TMEM87A: variants seen among roughly 807,000 people sequenced by gnomAD.
TMEM87A encodes Golgi-pH regulating cation channel.
TMEM87A carries 50 observed loss-of-function variants against 90.0 expected under a neutral mutation model. That is an observed-to-expected ratio of 0.56 (90% CI 0.44 to 0.70). TMEM87A has a LOEUF of 0.70. TMEM87A is among the 30% of genes least tolerant of loss of function. The pLI, the probability that TMEM87A is intolerant of heterozygous loss-of-function variation, is 0.00. For synonymous variants in TMEM87A, 226 were observed against 226.7 expected (o/e 1.00, Z 0.03); for missense variants, 577 against 660.5 (o/e 0.87, Z 1.39).
intron 11 of TMEM87A, chr15:42,233,006 A>C: frequency 3.0e-6 from 1 of 330,336 alleles, no homozygotes. Flanking sequence ...GACAGGTGGA[A>C]AAGCATTCAT....
chr15:42,237,338 G>A, intron 9 of TMEM87A, 94 bp downstream of exon 9: 1 of 1,226,864 alleles, frequency 8.2e-7, no homozygotes, highest in South Asian at 1.5e-5. Context: ...TAATTGAAAA[G>A]TTAAGCCTAT....
chr15:42,214,477 A>G (rs1279104090), intron 19 of TMEM87A, among the ~76,000 whole-genome samples: 1 of 152,220 alleles, frequency 6.6e-6, no homozygotes, highest in African/African-American at 2.4e-5. Flanking sequence ...AAAGAATCAC[A>G]TACTATGACC....
chr15:42,220,650 G>A (rs539753953), intron 15 of TMEM87A, among the ~76,000 whole-genome samples: 57 of 152,198 alleles, frequency 3.7e-4, no homozygotes, highest in African/African-American at 1.3e-3. Context: ...CAGTTTACAA[G>A]TGGGAAGCTC....
rs548150709 is a variant in TMEM87A, at chr15:42,244,931, G to C, written c.505-764C>G. Among the ~76,000 whole-genome samples, 11 of 151,596 alleles carry C rather than the reference G, an allele frequency of 7.3e-5. 1 individual carries two copies. In the South Asian group the frequency reaches 2.3e-3, roughly 32 times the overall value. ...CGTTTATCCAGAGATCTCTGGGTAA[G>C]CTTCTAGGTTCTGTGAACCCCCCAA... is the stretch of plus-strand genomic sequence containing the variant. On this transcript the variant is annotated intron_variant, in intron 6 of 19. Coordinates refer to ENST00000389834, the MANE Select transcript of TMEM87A (RefSeq NM_015497.5).
intron 4 of TMEM87A, 34 bp downstream of exon 4, chr15:42,264,056 A>T (rs1366354992): frequency 1.3e-6 from 2 of 1,536,276 alleles, no homozygotes; most frequent in Non-Finnish European, 8.9e-7. Flanking sequence ...ATTTTTGCCT[A>T]TTCTATTTAT....
chr15:42,265,232 G>T (rs895058017), intron 3 of TMEM87A, among the ~76,000 whole-genome samples: 28 of 152,138 alleles, frequency 1.8e-4, no homozygotes, highest in African/African-American at 6.3e-4. Flanking sequence ...CCCAGTAATG[G>T]GATTGCTGGG....
intron 6 of TMEM87A, chr15:42,258,577 C>T: frequency 2.4e-6 from 1 of 424,808 alleles, no homozygotes; most frequent in Non-Finnish European, 3.3e-6. Flanking sequence ...CAGGTGCCTG[C>T]CACCATGAGC....
Position 42,254,065 on chromosome 15 carries a change from T to C in TMEM87A, c.504+6893A>G, listed in dbSNP as rs1474424394. Among the ~76,000 whole-genome samples, 7 of 151,908 alleles carry C rather than the reference T, an allele frequency of 4.6e-5. No individual in the cohort carries two copies. The South Asian group carries it at 1.5e-3, about 32-fold the overall frequency. On this transcript the variant is annotated intron_variant, in intron 6 of 19. Coordinates refer to ENST00000389834, the MANE Select transcript of TMEM87A (RefSeq NM_015497.5). ...AACTATTTTTTTCTTTTTTTTTTTC[T>C]CTTTTTCACAGTCTACCACTAGCTT...
At position 42,264,699 on chromosome 15, in the gene TMEM87A, A is replaced by ATATATATATTTTT. The variant is rs10681614; in HGVS notation, c.292-497_292-496insAAAAATATATATA. On this transcript the variant is annotated intron_variant, in intron 3 of 19. Transcript: ENST00000389834. The stretch of plus-strand genomic sequence containing the variant: ...TATGTGTGTGTATATATATATATAT[A>ATATATATATTTTT]TTTTTTTTTTAACTTTTATTTTAGG... Among the ~76,000 whole-genome samples, 815 of 109,420 alleles carry ATATATATATTTTT rather than the reference A, an allele frequency of 7.4e-3. 6 individuals are homozygous for ATATATATATTTTT. Among genetic ancestry groups the ATATATATATTTTT allele is most frequent in the South Asian group, 0.012 (38 of 3,290 alleles). The allele number at this position is 109,420 out of a possible 152,430, so 71.8% of individuals were successfully genotyped here.
At chr15:42,215,825 T>G (rs1005870401) in intron 19 of TMEM87A, among the ~76,000 whole-genome samples, 1 of 152,180 alleles carries the variant, frequency 6.6e-6, no homozygotes, top group East Asian at 1.9e-4. Flanking sequence ...GAAAACAGTA[T>G]GAAAGCTCCT....
chr15:42,211,754 G>GA lies in TMEM87A; in HGVS notation c.1627-6_1627-5insT. ...AAAGTGTGTGATCATTCGTTCCTAG[G>GA]GAAAAAAAAAAAGGTTGAAGTATAT... On this transcript the variant is annotated splice_polypyrimidine_tract_variant and splice_region_variant and intron_variant, in intron 19 of 19. Transcript: ENST00000389834. 2 of 1,596,380 alleles carry GA rather than the reference G, an allele frequency of 1.3e-6. No individual in the cohort carries two copies. The highest frequency in any genetic ancestry group is 1.1e-5 in the South Asian group (1 of 88,262).
chr15:42,211,847 T>G, intron 19 of TMEM87A, 98 bp from the exon 20 acceptor site: 6 of 1,065,056 alleles, frequency 5.6e-6, no homozygotes, highest in Non-Finnish European at 8.3e-6. Context: ...CTTCCACGAG[T>G]ACTTTATGTT....
chr15:42,228,664 T>C (rs372010335), intron 13 of TMEM87A, 48 bp downstream of exon 13: 108 of 1,527,182 alleles, frequency 7.1e-5, no homozygotes, highest in Non-Finnish European at 8.8e-5. Flanking sequence ...AGAATGTCCA[T>C]TCTAAACAGA....
chr15:42,233,255 A>C lies in TMEM87A; in HGVS notation c.1020T>G (p.Tyr340Ter), dbSNP rs2050716406. Residue 340 changes from tyrosine to a stop codon, truncating the protein, a stop_gained, in exon 11 of 20, where the codon TAT becomes TAG. Coordinates refer to ENST00000389834, the MANE Select transcript of TMEM87A (RefSeq NM_015497.5). LOFTEE classifies it high-confidence loss of function. ...LHKVVVAGAL[Y>*]LLFSGMEGVL... ...CCCCTTCCATGCCAGAGAACAAAAG[A>C]TAGAGGGCTCCTGCTACTACAACCT... is the stretch of plus-strand genomic sequence containing the variant. 3 of 1,614,082 alleles carry C rather than the reference A, an allele frequency of 1.9e-6. No individual in the cohort carries two copies. The highest frequency in any genetic ancestry group is 2.5e-6 in the Non-Finnish European group (3 of 1,180,006).
intron 15 of TMEM87A, among the ~76,000 whole-genome samples, chr15:42,226,013 T>G (rs2050584835): frequency 6.6e-6 from 1 of 152,170 alleles, no homozygotes; most frequent in African/African-American, 2.4e-5. Context: ...TGTCAGCATT[T>G]TTTTTTTGAG....
intron 6 of TMEM87A, among the ~76,000 whole-genome samples, chr15:42,246,193 G>A (rs1197598001): frequency 2.0e-5 from 3 of 152,090 alleles, no homozygotes; most frequent in Non-Finnish European, 4.4e-5. Flanking sequence ...CTATATTGCT[G>A]TATGTATCAG....
intron 6 of TMEM87A, among the ~76,000 whole-genome samples, chr15:42,246,162 CATA>C (rs1243067691): frequency 6.6e-6 from 1 of 152,196 alleles, no homozygotes; most frequent in Non-Finnish European, 1.5e-5. Context: ...TCTCACTTAA[CATA>C]ATGTTTTCAG....
chr15:42,259,191 C>T (rs540517314), intron 6 of TMEM87A, among the ~76,000 whole-genome samples: 41 of 151,796 alleles, frequency 2.7e-4, no homozygotes, highest in Non-Finnish European at 5.2e-4. Flanking sequence ...GGTGTGATCT[C>T]GGCTCATTGC....
At chr15:42,273,233 C>T (rs753354375) in intron 1 of TMEM87A, 22 bp downstream of exon 1, 24 of 1,613,746 alleles carry the variant, frequency 1.5e-5, no homozygotes, top group Non-Finnish European at 1.6e-5. Flanking sequence ...TAGGTTCAGA[C>T]GTTAGTGAAG....
Sources: allele counts gnomAD v4.1 joint callset (sites outside exome capture counted in the v4.1 genomes callset), GRCh38; gene constraint gnomAD v4.1.1; transcripts MANE v1.5; gene names NCBI Gene and HGNC (gene_info 2026-07-23, HGNC 2026-07-21).